The following SHOC1 variants were observed in gnomAD, a reference collection of about 807,000 sequenced individuals.
SHOC1 encodes shortage in chiasmata 1, also known as protein shortage in chiasmata 1 ortholog.
In SHOC1, 136 loss-of-function variants were observed where a neutral mutation model predicts 179.2. The ratio of observed to expected loss-of-function variants is 0.76; its 90% CI spans 0.66 to 0.87. The LOEUF is 0.87. Among genes scored for constraint, SHOC1 ranks in the 40% least tolerant of loss-of-function variants. The pLI is 0.00. For missense variants in SHOC1, 1,538 were observed against 1,700.8 expected, an observed-to-expected ratio of 0.90 and a Z score of 1.68; for synonymous variants, 489 against 586.6, an observed-to-expected ratio of 0.83 and a Z score of 2.41.
At chr9:111,787,124 G>T (rs1589481121) in intron 2 of SHOC1, among the ~76,000 whole-genome samples, 1 of 152,332 alleles carries the variant, frequency 6.6e-6, no homozygotes, top group East Asian at 1.9e-4. Flanking sequence ...ATTACCGCTT[G>T]TTGATAATGC....
intron 20 of SHOC1, among the ~76,000 whole-genome samples, chr9:111,705,765 G>C (rs1225937595): frequency 6.6e-6 from 1 of 151,978 alleles, no homozygotes; most frequent in Non-Finnish European, 1.5e-5. Flanking sequence ...AATATATACT[G>C]ATTTACATAA....
intron 1 of SHOC1, 141 bp downstream of exon 1, chr9:111,794,759 G>C (rs1231859508): frequency 6.6e-6 from 1 of 152,372 alleles, no homozygotes; most frequent in Middle Eastern, 3.4e-3. Flanking sequence ...TGTCTCTACA[G>C]AGCCACATCG....
At chr9:111,744,911 GGGC>G (rs1834203008) in intron 10 of SHOC1, among the ~76,000 whole-genome samples, 6 of 152,188 alleles carry the variant, frequency 3.9e-5, no homozygotes, top group Admixed American at 2.6e-4. Flanking sequence ...CAAGGATGCT[GGGC>G]TATTAAGCTA....
chr9:111,774,835 T>C (rs929808686), intron 5 of SHOC1, among the ~76,000 whole-genome samples: 2 of 152,068 alleles, frequency 1.3e-5, no homozygotes, highest in African/African-American at 4.8e-5. Context: ...ATGATAGTAA[T>C]AATCACATAA....
At chr9:111,700,618 T>C (rs1032644825) in intron 23 of SHOC1, among the ~76,000 whole-genome samples, 2 of 152,296 alleles carry the variant, frequency 1.3e-5, no homozygotes, top group African/African-American at 2.4e-5. Flanking sequence ...GAGGAAGCCA[T>C]TGTTGGATTC....
intron 25 of SHOC1, 38 bp downstream of exon 25, chr9:111,694,193 C>A (rs773988242): frequency 1.3e-6 from 2 of 1,537,206 alleles, no homozygotes; most frequent in East Asian, 4.5e-5. Flanking sequence ...TTTATATTTG[C>A]TTTGCAATTA....
intron 9 of SHOC1, 32 bp downstream of exon 9, chr9:111,748,060 C>T: frequency 7.1e-7 from 1 of 1,407,204 alleles, no homozygotes; most frequent in Non-Finnish European, 1.0e-6. Context: ...AGGTAATCCC[C>T]AATAAGCTCA....
chr9:111,791,421 C>A lies in SHOC1; in HGVS notation c.-3G>T, dbSNP rs1836441422. The A allele has an allele frequency of 6.8e-7, 1 of 1,472,730 alleles. No individual in the cohort carries two copies. Among genetic ancestry groups the A allele is most frequent in the Non-Finnish European group, 9.0e-7 (1 of 1,107,140 alleles). 91.2% of individuals were successfully genotyped at this position (1,472,730 alleles called of 1,614,324 possible). A position where few individuals can be genotyped will look rare whatever the true frequency, so the allele number is the denominator to read the frequency against. On this transcript the variant is annotated 5_prime_UTR_variant, in exon 2 of 28. Coordinates refer to ENST00000682961, the MANE Select transcript of SHOC1 (RefSeq NM_001378211.1). ...TGATATTTCAATGCTGAAAACATATCTTCTTTCTTTCAAAGCAGTGTAAAT... is the reference window on the plus strand; with the variant it reads ...TGATATTTCAATGCTGAAAACATATATTCTTTCTTTCAAAGCAGTGTAAAT...
chr9:111,777,268 C>T (rs545965172), intron 4 of SHOC1, among the ~76,000 whole-genome samples: 2 of 152,236 alleles, frequency 1.3e-5, no homozygotes, highest in Admixed American at 6.5e-5. Flanking sequence ...AGCCAGAGGC[C>T]GCATGACTCC....
chr9:111,791,217 T>C (rs1836433569), intron 2 of SHOC1, among the ~76,000 whole-genome samples, 157 bp downstream of exon 2: 1 of 152,162 alleles, frequency 6.6e-6, no homozygotes, highest in Non-Finnish European at 1.5e-5. Context: ...ATTTTATATA[T>C]ATAAAAATAT....
At chr9:111,738,745 C>T (rs540661464) in intron 11 of SHOC1, among the ~76,000 whole-genome samples, 1 of 152,252 alleles carries the variant, frequency 6.6e-6, no homozygotes, top group South Asian at 2.1e-4. Flanking sequence ...GGATTTATTT[C>T]ACTCTTTGAA....
chr9:111,769,975 G>GTTTTTTTT, intron 5 of SHOC1, among the ~76,000 whole-genome samples: 11 of 87,794 alleles, frequency 1.3e-4, no homozygotes, highest in African/African-American at 2.1e-4. Flanking sequence ...TTTATCTTCT[G>GTTTTTTTT]TTTTTTTTTT....
chr9:111,718,202 T>C lies in SHOC1; in HGVS notation c.2218A>G (p.Ser740Gly). ...VTIRDVLLTCSLDTALGYLSK... is the reference protein window; with the variant it reads ...VTIRDVLLTCGLDTALGYLSK... ...CACCAACCCAATGCTGTGTCCAAGC[T>C]GCATGTTAAAAGGACATCTCTAATT... The change falls in exon 16 of 28, where the codon AGC becomes GGC. Residue 740 changes from serine (S) to glycine (G), a missense_variant. Physicochemically the swap from Ser to Gly is moderately conservative, Grantham distance 56. Transcript: ENST00000682961. The C allele has an allele frequency of 6.3e-7, 1 of 1,597,526 alleles. No homozygotes were observed. The highest frequency in any genetic ancestry group is 1.1e-5 in the South Asian group (1 of 87,220).
In SHOC1 at chr9:111,738,380, T is replaced by C. The variant is rs1197600440; in HGVS notation, c.1317A>G (p.Glu439=). 19 of 1,613,324 alleles carry C rather than the reference T, an allele frequency of 1.2e-5. No individual in the cohort carries two copies. The Admixed American group carries it at 3.2e-4, about 27-fold the overall frequency. ...KQAGLNLKMM[E]TLEHLNTYLC... ...AATATGTATTCAGATGTTCCAATGT[T>C]TCCATCATTTTCAGATTTAGTCCTG... Residue 439 remains glutamate, a synonymous_variant, in exon 12 of 28, where the codon GAA becomes GAG. Coordinates refer to ENST00000682961, the MANE Select transcript of SHOC1 (RefSeq NM_001378211.1).
chr9:111,756,083 T>C (rs1024258720), intron 8 of SHOC1, among the ~76,000 whole-genome samples: 2 of 151,898 alleles, frequency 1.3e-5, no homozygotes, highest in Non-Finnish European at 2.9e-5. Context: ...GATCTTGCCA[T>C]TGCACTCCAG....
rs756319127 is a variant in SHOC1, at chr9:111,691,810, C to T, written c.4167G>A (p.Gln1389=). The change falls in exon 27 of 28, where the codon CAG becomes CAA. Residue 1389 remains glutamine (Q), a synonymous_variant. Transcript: ENST00000682961. ...QQTACNKLYS[Q]KGNLFTDQQK... ...GCTGATCAGTGAATAAATTACCTTT[C>T]TGAGAGTACAATTTGTTACATGCAG... 38 of 1,613,790 alleles carry T rather than the reference C, an allele frequency of 2.4e-5. 2 individuals carry two copies. The Middle Eastern group carries it at 5.0e-4, about 21-fold the overall frequency.
chr9:111,726,566 G>A (rs2131430757), intron 13 of SHOC1, among the ~76,000 whole-genome samples: 1 of 152,178 alleles, frequency 6.6e-6, no homozygotes, highest in African/African-American at 2.4e-5. Flanking sequence ...CCCAGCCCCA[G>A]TAATATTACT....
chr9:111,756,389 C>T lies in SHOC1; in HGVS notation c.798G>A (p.Glu266=), dbSNP rs774778367. The change falls in exon 8 of 28, where the codon GAG becomes GAA. Residue 266 remains glutamate, a synonymous_variant. Coordinates refer to ENST00000682961, the MANE Select transcript of SHOC1 (RefSeq NM_001378211.1). ...IDIPSLSELK[E]LLNPVPEIIN... The stretch of plus-strand genomic sequence containing the variant: ...TTATTTCTGGCACTGGGTTTAATAA[C>T]TCCTTCAGTTCTGAGAGTGATGGAA... 5.0e-6 allele frequency: 8 copies of T among 1,611,898 alleles called. No homozygotes were observed. Among genetic ancestry groups the T allele is most frequent in the Middle Eastern group, 1.7e-4 (1 of 6,056 alleles).
intron 8 of SHOC1, among the ~76,000 whole-genome samples, chr9:111,754,570 A>G (rs1257160174): frequency 6.6e-6 from 1 of 152,200 alleles, no homozygotes; most frequent in Non-Finnish European, 1.5e-5. Context: ...AAAGTTAAAC[A>G]TAGAGTTACC....
Sources: allele counts gnomAD v4.1 joint callset (sites outside exome capture counted in the v4.1 genomes callset), GRCh38; gene constraint gnomAD v4.1.1; transcripts MANE v1.5; gene names NCBI Gene and HGNC (gene_info 2026-07-23, HGNC 2026-07-21).